Variants in PZP observed in about 807,000 individuals in gnomAD.
PZP encodes pregnancy zone protein.
In PZP, 150 loss-of-function variants were observed where a neutral mutation model predicts 179.8. That is an observed-to-expected ratio of 0.83 (90% CI 0.73 to 0.96). The LOEUF is 0.96. Among genes scored for constraint, PZP ranks in the 40% least tolerant of loss-of-function variants. The pLI is 0.00. For missense variants in PZP, 1,689 were observed against 1,764.0 expected (o/e 0.96, Z 0.76); for synonymous variants, 624 against 652.3 (o/e 0.96, Z 0.66).
At chr12:9,204,217 C>T (rs1245269135) in intron 1 of PZP, among the ~76,000 whole-genome samples, 1 of 152,164 alleles carries the variant, frequency 6.6e-6, no homozygotes, top group Non-Finnish European at 1.5e-5. Context: ...GCATTCCTTG[C>T]TGTAAAGAGC....
At chr12:9,191,482 T>C (rs1011330173) in intron 13 of PZP, among the ~76,000 whole-genome samples, 2 of 151,932 alleles carry the variant, frequency 1.3e-5, no homozygotes, top group African/African-American at 4.8e-5. Flanking sequence ...TTTTCAAAAC[T>C]GAAAAATAAA....
Position 9,196,704 on chromosome 12 carries a change from C to G in PZP, c.868-19G>C, listed in dbSNP as rs749715480. The G allele has an allele frequency of 1.3e-6, 2 of 1,535,422 alleles. No individual in the cohort carries two copies. Among genetic ancestry groups the G allele is most frequent in the Non-Finnish European group, 1.8e-6 (2 of 1,108,792 alleles). ...TGTTAAGCTGAGAAAAATACCAAAA[C>G]CAATAAATGTCAAACTGATTGAGAT... On this transcript the variant is annotated intron_variant, in intron 8 of 35. Transcript: ENST00000261336.
At position 9,182,132 on chromosome 12, in the gene PZP, G is replaced by GAGTGAGACAACATGGTCATA. The variant is rs1555172764; in HGVS notation, c.1547-16_1547-15insTATGACCATGTTGTCTCACT. The GAGTGAGACAACATGGTCATA allele has an allele frequency of 4.5e-6, 7 of 1,554,324 alleles. No homozygotes were observed. The highest frequency in any genetic ancestry group is 6.1e-6 in the Non-Finnish European group (7 of 1,146,680). ...ACTGCCTTTCACTGGAACATGGAGAGAGTGAGACAAAATGGTCATAAGTGA... is the reference window on the plus strand; with the variant it reads ...ACTGCCTTTCACTGGAACATGGAGAGAGTGAGACAACATGGTCATAAGTGAGACAAAATGGTCATAAGTGA... On this transcript the variant is annotated splice_polypyrimidine_tract_variant and intron_variant, in intron 13 of 35. Transcript: ENST00000261336.
Position 9,208,390 on chromosome 12 carries a change from C to T in PZP, c.-49G>A, listed in dbSNP as rs377117819. On this transcript the variant is annotated 5_prime_UTR_variant, in exon 1 of 36. Coordinates refer to ENST00000261336, the MANE Select transcript of PZP (RefSeq NM_002864.3). The stretch of plus-strand genomic sequence containing the variant: ...GTGTCCAACTCTCTGCCCTCAGCCT[C>T]GCCCTGGAGACCAGCTGAGTTTACC... 1.8e-5 allele frequency: 27 copies of T among 1,490,718 alleles called. 1 individual carries two copies. The Admixed American group carries it at 2.2e-4, about 12-fold the overall frequency. 92.3% of individuals were successfully genotyped at this position (1,490,718 alleles called of 1,614,324 possible).
rs148795378 is a variant in PZP, at chr12:9,159,134, G to T, written c.3138-558C>A. Among the ~76,000 whole-genome samples, 1,329 of 152,124 alleles carry T rather than the reference G, an allele frequency of 8.7e-3. 19 individuals are homozygous for T. The highest frequency in any genetic ancestry group is 0.03 in the African/African-American group (1,235 of 41,478). ...GTATGCTCTGCCAGTAATGGTTGTGGTTTTATTCTAGCATTTTTCTAACAC... is the reference window on the plus strand; with the variant it reads ...GTATGCTCTGCCAGTAATGGTTGTGTTTTTATTCTAGCATTTTTCTAACAC... On this transcript the variant is annotated intron_variant, in intron 25 of 35. Coordinates refer to ENST00000261336, the MANE Select transcript of PZP (RefSeq NM_002864.3).
chr12:9,162,483 G>T, intron 22 of PZP, 114 bp downstream of exon 22: 3 of 762,128 alleles, frequency 3.9e-6, no homozygotes, highest in Non-Finnish European at 6.7e-6. Context: ...GTATTATGCT[G>T]ACTTTCATGG....
At chr12:9,176,287 C>T (rs756714720) in intron 15 of PZP, among the ~76,000 whole-genome samples, 2 of 152,004 alleles carry the variant, frequency 1.3e-5, no homozygotes, top group East Asian at 1.9e-4. Flanking sequence ...ACACTCACTC[C>T]GGCCTATTAG....
At chr12:9,140,630 A>G in the PZP span, among the ~76,000 whole-genome samples, 2 of 152,214 alleles carry the variant, frequency 1.3e-5, no homozygotes, top group Non-Finnish European at 2.9e-5. Flanking sequence ...CCATAGAAGG[A>G]ATCTGAGATA....
chr12:9,173,809 C>T (rs1040976567), intron 15 of PZP, among the ~76,000 whole-genome samples: 3 of 152,124 alleles, frequency 2.0e-5, no homozygotes, highest in Admixed American at 6.6e-5. Context: ...AGACCAATAA[C>T]GAGTTCTGAA....
Position 9,208,363 on chromosome 12 carries a change from T to C in PZP, c.-22A>G. Reference sequence around the variant, plus strand: ...GCATTGTGAGGGATAAATCTCAGGGTTGTGTCCAACTCTCTGCCCTCAGCC... The same window carrying C: ...GCATTGTGAGGGATAAATCTCAGGGCTGTGTCCAACTCTCTGCCCTCAGCC... On this transcript the variant is annotated 5_prime_UTR_variant, in exon 1 of 36. Coordinates refer to ENST00000261336, the MANE Select transcript of PZP (RefSeq NM_002864.3). The C allele has an allele frequency of 1.3e-6, 2 of 1,599,696 alleles. No homozygotes were observed. The highest frequency in any genetic ancestry group is 1.7e-6 in the Non-Finnish European group (2 of 1,167,488).
intron 29 of PZP, among the ~76,000 whole-genome samples, chr12:9,153,745 T>C (rs1940538607): frequency 6.6e-6 from 1 of 152,190 alleles, no homozygotes; most frequent in East Asian, 1.9e-4. Context: ...TTCTTGAGTT[T>C]CTTTTTACCT....
At chr12:9,172,070 C>T (rs1457661315) in intron 15 of PZP, among the ~76,000 whole-genome samples, 3 of 152,026 alleles carry the variant, frequency 2.0e-5, no homozygotes, top group African/African-American at 7.2e-5. Context: ...ATGAAAGAAA[C>T]CATGTTAAGG....
intron 33 of PZP, 34 bp downstream of exon 33, chr12:9,151,570 T>C (rs962363401): frequency 1.9e-6 from 3 of 1,581,746 alleles, no homozygotes; most frequent in Non-Finnish European, 2.6e-6. Context: ...AGACGACCCA[T>C]ATGTAGTCTC....
At chr12:9,165,594 G>C (rs979583763) in intron 18 of PZP, among the ~76,000 whole-genome samples, 1 of 152,256 alleles carries the variant, frequency 6.6e-6, no homozygotes, top group Admixed American at 6.5e-5. Flanking sequence ...TATCCCACAT[G>C]TCTGTACTTT....
Position 9,192,680 on chromosome 12 carries a change from C to G in PZP, c.1314G>C (p.Gln438His), listed in dbSNP as rs1344411909. 1 of 1,613,890 alleles carries G rather than the reference C, an allele frequency of 6.2e-7. No individual in the cohort carries two copies. Among genetic ancestry groups the G allele is most frequent in the Non-Finnish European group, 8.5e-7 (1 of 1,179,834 alleles). The change falls in exon 12 of 36, where the codon CAG becomes CAC. Residue 438 changes from glutamine to histidine, a missense_variant. Gln to His is a conservative substitution (Grantham distance 24). Transcript: ENST00000261336. Reference protein sequence around the residue: ...FHYSWVAEDHQGAQHTANRVF... With the variant: ...FHYSWVAEDHHGAQHTANRVF... ...CACGATTTGCAGTGTGCTGAGCACCCTGGTGGTCTTCTGCTACCCATGAAT... is the reference window on the plus strand; with the variant it reads ...CACGATTTGCAGTGTGCTGAGCACCGTGGTGGTCTTCTGCTACCCATGAAT...
intron 7 of PZP, among the ~76,000 whole-genome samples, chr12:9,200,161 T>A (rs1944070274): frequency 6.6e-6 from 1 of 152,198 alleles, no homozygotes; most frequent in Admixed American, 6.5e-5. Flanking sequence ...TACGGAAAGA[T>A]GTTTATTGTT....
At chr12:9,206,895 G>A (rs191756748) in intron 1 of PZP, among the ~76,000 whole-genome samples, 38 of 152,218 alleles carry the variant, frequency 2.5e-4, no homozygotes, top group African/African-American at 2.2e-4. Flanking sequence ...CACGCTACTC[G>A]CTTTATCCAT....
chr12:9,186,965 G>A (rs990772641), intron 13 of PZP, among the ~76,000 whole-genome samples: 21 of 149,994 alleles, frequency 1.4e-4, no homozygotes, highest in Non-Finnish European at 1.9e-4. Context: ...AAACCTGCAC[G>A]TTCTGCCCAT....
At chr12:9,203,354 T>TC (rs1944276020) in intron 2 of PZP, among the ~76,000 whole-genome samples, 1 of 139,326 alleles carries the variant, frequency 7.2e-6, no homozygotes, top group Non-Finnish European at 1.5e-5. Flanking sequence ...TTTTTTTTTT[T>TC]TTTTTGAGAC....
Sources: gnomAD v4.1 joint callset for allele counts (sites outside exome capture counted in the v4.1 genomes callset) on GRCh38, gnomAD v4.1.1 for gene constraint, MANE v1.5 for transcripts, NCBI Gene and HGNC (gene_info 2026-07-23, HGNC 2026-07-21) for gene names.